The following ADAM23 variants were observed in gnomAD, a reference collection of about 807,000 sequenced individuals.
The protein encoded by ADAM23 is disintegrin and metalloproteinase domain-containing protein 23.
Under a neutral mutation model 120.1 loss-of-function variants are expected in ADAM23, and 33 were observed. That is an observed-to-expected ratio of 0.27 (90% CI 0.21 to 0.37). The LOEUF (loss-of-function observed/expected upper bound fraction) is 0.37. Among genes scored for constraint, ADAM23 ranks in the 10% least tolerant of loss-of-function variants. The pLI, the probability that ADAM23 is intolerant of heterozygous loss-of-function variation, is 1.00. For missense variants in ADAM23, 862 were observed against 1,058.2 expected, an observed-to-expected ratio of 0.81 and a Z score of 2.57; for synonymous variants, 367 against 375.2, an observed-to-expected ratio of 0.98 and a Z score of 0.25.
intron 2 of ADAM23, among the ~76,000 whole-genome samples, chr2:206,478,834 C>A (rs1050901739): frequency 6.6e-6 from 1 of 152,160 alleles, no homozygotes. Flanking sequence ...AGTGTCTTTT[C>A]TTTCTCTGAC....
chr2:206,617,180 G>A (rs2105870308), intron 25 of ADAM23, among the ~76,000 whole-genome samples: 1 of 152,274 alleles, frequency 6.6e-6, no homozygotes, highest in South Asian at 2.1e-4. Context: ...AAGTAGCTAT[G>A]AGACTTTCCA....
At chr2:206,614,389 G>C (rs1574567803) in intron 25 of ADAM23, among the ~76,000 whole-genome samples, 1 of 151,988 alleles carries the variant, frequency 6.6e-6, no homozygotes. Flanking sequence ...TCTGAAGCTG[G>C]GCATGGTGGC....
chr2:206,517,451 T>C (rs529842552), intron 3 of ADAM23, among the ~76,000 whole-genome samples: 1 of 152,248 alleles, frequency 6.6e-6, no homozygotes, highest in East Asian at 1.9e-4. Flanking sequence ...ACTTGTTGAC[T>C]CTTCATCAAC....
chr2:206,466,561 A>G (rs1173909674), intron 2 of ADAM23, among the ~76,000 whole-genome samples: 1 of 152,108 alleles, frequency 6.6e-6, no homozygotes, highest in Non-Finnish European at 1.5e-5. Flanking sequence ...GGATTTTTTT[A>G]TCCCTAATAT....
At chr2:206,583,426 C>T (rs1698259277) in intron 18 of ADAM23, among the ~76,000 whole-genome samples, 1 of 151,352 alleles carries the variant, frequency 6.6e-6, no homozygotes, top group South Asian at 2.1e-4. Flanking sequence ...TGCACTCTGG[C>T]CTGGGCGAAA....
At chr2:206,524,072 C>G (rs1478319182) in intron 3 of ADAM23, among the ~76,000 whole-genome samples, 2 of 152,008 alleles carry the variant, frequency 1.3e-5, no homozygotes, top group African/African-American at 4.8e-5. Flanking sequence ...ATTAGGGCTC[C>G]CAGTACTGAG....
chr2:206,530,448 G>A (rs1472466643), intron 3 of ADAM23, among the ~76,000 whole-genome samples: 1 of 152,064 alleles, frequency 6.6e-6, no homozygotes, highest in African/African-American at 2.4e-5. Context: ...TATAGGATCT[G>A]TCTCCTCAAG....
intron 2 of ADAM23, among the ~76,000 whole-genome samples, chr2:206,449,418 CT>C (rs906525320): frequency 9.9e-5 from 15 of 152,080 alleles, no homozygotes; most frequent in Admixed American, 2.6e-4. Context: ...TGAGATAATC[CT>C]ATGTGGTCTG....
At chr2:206,548,168 T>C (rs1419608933) in intron 7 of ADAM23, 113 bp from the exon 8 acceptor site, 3 of 905,282 alleles carry the variant, frequency 3.3e-6, no homozygotes, top group East Asian at 2.5e-5. Flanking sequence ...GTGCTTTTTT[T>C]CACCTTAGTT....
intron 18 of ADAM23, among the ~76,000 whole-genome samples, chr2:206,579,711 G>A (rs1046401219): frequency 2.0e-5 from 3 of 152,060 alleles, no homozygotes. Flanking sequence ...GGCTATGTGG[G>A]CTCTTTTTTG....
intron 9 of ADAM23, among the ~76,000 whole-genome samples, chr2:206,553,270 CA>C (rs969189433): frequency 2.0e-5 from 3 of 151,322 alleles, no homozygotes; most frequent in African/African-American, 4.9e-5. Context: ...TATACATATA[CA>C]AAAAAAATTA....
intron 3 of ADAM23, among the ~76,000 whole-genome samples, chr2:206,495,290 A>G (rs878978516): frequency 2.6e-5 from 4 of 152,240 alleles, no homozygotes; most frequent in African/African-American, 9.6e-5. Flanking sequence ...CATCAGACTA[A>G]CAGCTGATCT....
intron 24 of ADAM23, among the ~76,000 whole-genome samples, chr2:206,599,429 T>G (rs959983568): frequency 2.6e-5 from 4 of 152,104 alleles, no homozygotes; most frequent in African/African-American, 9.7e-5. Context: ...TTCCAGAAAA[T>G]TCAAGCAATT....
chr2:206,444,156 C>G, intron 1 of ADAM23, 76 bp downstream of exon 1: 1 of 1,139,968 alleles, frequency 8.8e-7, no homozygotes, highest in Non-Finnish European at 1.1e-6. Context: ...CGCGCGGGTC[C>G]GTGTGCTCCG....
At chr2:206,562,391 A>G in intron 13 of ADAM23, 98 bp downstream of exon 13, 1 of 866,722 alleles carries the variant, frequency 1.2e-6, no homozygotes, top group East Asian at 2.5e-5. Context: ...CAGTCATTAT[A>G]GTTTAATTGT....
At chr2:206,465,779 T>C (rs1219440644) in intron 2 of ADAM23, among the ~76,000 whole-genome samples, 1 of 152,222 alleles carries the variant, frequency 6.6e-6, no homozygotes, top group Non-Finnish European at 1.5e-5. Flanking sequence ...AGAAAAGTCT[T>C]CTTGCTGTCA....
At chr2:206,464,913 C>T (rs1695510410) in intron 2 of ADAM23, among the ~76,000 whole-genome samples, 1 of 152,050 alleles carries the variant, frequency 6.6e-6, no homozygotes, top group East Asian at 1.9e-4. Context: ...TGCAGTAGAA[C>T]TTGTAAACTT....
chr2:206,496,376 C>A lies in ADAM23; in HGVS notation c.509+15068C>A, dbSNP rs553300892. ...TCAAAACCGCTCAACTACATGGAAA[C>A]TGAACAACCTGCTCCTGAATAACTA... On this transcript the variant is annotated intron_variant, in intron 3 of 25. Transcript: ENST00000264377. Among the ~76,000 whole-genome samples, 15 of 152,272 alleles carry A rather than the reference C, an allele frequency of 9.9e-5. No homozygotes were observed. The East Asian group carries it at 2.7e-3, about 27-fold the overall frequency.
intron 24 of ADAM23, among the ~76,000 whole-genome samples, chr2:206,600,921 CCTTT>C (rs1698628877): frequency 6.6e-6 from 1 of 152,038 alleles, no homozygotes; most frequent in Admixed American, 6.6e-5. Context: ...ATGCAAAAAC[CCTTT>C]CTTAAGTTTA....
Sources: gnomAD v4.1 joint callset for allele counts (sites outside exome capture counted in the v4.1 genomes callset) on GRCh38, gnomAD v4.1.1 for gene constraint, MANE v1.5 for transcripts, NCBI Gene and HGNC (gene_info 2026-07-23, HGNC 2026-07-21) for gene names.